The following KRT71 variants were observed in gnomAD, a reference collection of about 807,000 sequenced individuals.
KRT71 encodes keratin 71.
A neutral mutation model predicts 46.2 loss-of-function variants in KRT71; 42 were observed. That is an observed-to-expected ratio of 0.91 (90% confidence interval 0.71 to 1.18). The LOEUF (loss-of-function observed/expected upper bound fraction) is 1.18, where lower values mean the gene tolerates loss of function less well. Among genes scored for constraint, KRT71 ranks in the 50% most tolerant of loss-of-function variants. KRT71 has a pLI of 0.00. For synonymous variants in KRT71, 292 were observed against 277.8 expected, an observed-to-expected ratio of 1.05 and a Z score of -0.51; for missense variants, 708 against 677.9, an observed-to-expected ratio of 1.04 and a Z score of -0.49.
chr12:52,548,123 C>T (rs549357041), intron 5 of KRT71, 29 bp downstream of exon 5: 5 of 1,608,872 alleles, frequency 3.1e-6, no homozygotes, highest in Non-Finnish European at 4.2e-6. Flanking sequence ...TGGCATCACC[C>T]TCCCTGGCCC....
chr12:52,549,177 A>C lies in KRT71; in HGVS notation c.717+116T>G. On this transcript the variant is annotated intron_variant, in intron 3 of 8. Transcript: ENST00000267119. ...CTTTCATCAAGTTTTCTCTGCCTTCACCTTGCTCTTCCTGAATCAGTTCAC... is the reference window on the plus strand; with the variant it reads ...CTTTCATCAAGTTTTCTCTGCCTTCCCCTTGCTCTTCCTGAATCAGTTCAC... The C allele has an allele frequency of 4.8e-6, 4 of 824,854 alleles. No individual in the cohort carries two copies. In the Admixed American group the frequency reaches 6.9e-5, roughly 14 times the overall value. The allele number at this position is 824,854 out of a possible 1,614,324, so 51.1% of individuals were successfully genotyped here. A position where few individuals can be genotyped will look rare whatever the true frequency, so the allele number is the denominator to read the frequency against.
chr12:52,544,658 G>C lies in KRT71; in HGVS notation c.1446C>G (p.Asn482Lys). The change falls in exon 9 of 9, where the codon AAC (asparagine) becomes AAG (lysine). Residue 482 changes from asparagine (N) to lysine (K), a missense_variant. Coordinates refer to ENST00000267119, the MANE Select transcript of KRT71 (RefSeq NM_033448.3). ...VSGGYVANSS[N>K]CISGVCSVRG... ...TCACGCTGCACACTCCAGAGATGCA[G>C]TTGCTGCTGTTGGCCACATAGCCAC... 1.2e-6 allele frequency: 2 copies of C among 1,614,044 alleles called. No individual in the cohort carries two copies. Among genetic ancestry groups the C allele is most frequent in the Non-Finnish European group, 1.7e-6 (2 of 1,180,026 alleles).
chr12:52,551,421 A>G (rs958752388), intron 1 of KRT71, among the ~76,000 whole-genome samples: 1 of 151,950 alleles, frequency 6.6e-6, no homozygotes, highest in Non-Finnish European at 1.5e-5. Context: ...CAATCAGTCC[A>G]CTCCCATCAC....
chr12:52,552,141 C>T (rs1200423273), intron 1 of KRT71, among the ~76,000 whole-genome samples: 2 of 152,228 alleles, frequency 1.3e-5, no homozygotes, highest in Non-Finnish European at 2.9e-5. Context: ...AGTCCCCTTC[C>T]CCAGTGCCCT....
intron 3 of KRT71, 25 bp downstream of exon 3, chr12:52,549,268 G>A: frequency 1.2e-6 from 2 of 1,600,132 alleles, no homozygotes; most frequent in Non-Finnish European, 1.7e-6. Flanking sequence ...CAGCCCCCGG[G>A]ACTCAGGGCC....
chr12:52,546,682 G>A (rs932565024), intron 6 of KRT71, among the ~76,000 whole-genome samples, 176 bp from the exon 7 acceptor site: 5 of 152,202 alleles, frequency 3.3e-5, no homozygotes, highest in Non-Finnish European at 4.4e-5. Flanking sequence ...CTTAGCTCTA[G>A]CCCCATTCCC....
intron 1 of KRT71, among the ~76,000 whole-genome samples, chr12:52,551,606 C>T (rs1939171129): frequency 6.6e-6 from 1 of 152,208 alleles, no homozygotes; most frequent in Non-Finnish European, 1.5e-5. Context: ...ATGACCGTCT[C>T]ACCCATAGAC....
At chr12:52,545,888 C>A (rs536489482) in intron 7 of KRT71, among the ~76,000 whole-genome samples, 1 of 152,254 alleles carries the variant, frequency 6.6e-6, no homozygotes, top group South Asian at 2.1e-4. Context: ...GCCTGCCATC[C>A]CTGTAGAGCC....
At chr12:52,545,923 C>T (rs1319977881) in intron 7 of KRT71, among the ~76,000 whole-genome samples, 4 of 152,088 alleles carry the variant, frequency 2.6e-5, no homozygotes, top group East Asian at 1.9e-4. Flanking sequence ...GTGGCTGCCC[C>T]GGCACACCCC....
intron 6 of KRT71, 48 bp from the exon 7 acceptor site, chr12:52,546,554 A>G (rs1404702597): frequency 6.4e-7 from 1 of 1,571,934 alleles, no homozygotes; most frequent in South Asian, 1.2e-5. Context: ...AGCCACTGCA[A>G]CCATCCACAT....
In KRT71 at chr12:52,544,394, TG is replaced by T; in HGVS notation, c.*137del. The T allele has an allele frequency of 1.3e-6, 1 of 799,364 alleles. No homozygotes were observed. Among genetic ancestry groups the T allele is most frequent in the Non-Finnish European group, 2.1e-6 (1 of 468,014 alleles). 49.5% of individuals were successfully genotyped at this position (799,364 alleles called of 1,614,324 possible). A position where few individuals can be genotyped will look rare whatever the true frequency, so the allele number is the denominator to read the frequency against. Reference sequence around the variant, plus strand: ...TCAGGAAGACACAGGCTGGGAGAAGTGGGTGGCCAAGGCCAGTGCCAGGTGT... The same window carrying T: ...TCAGGAAGACACAGGCTGGGAGAAGTGGTGGCCAAGGCCAGTGCCAGGTGT... On this transcript the variant is annotated 3_prime_UTR_variant, in exon 9 of 9. Coordinates refer to ENST00000267119, the MANE Select transcript of KRT71 (RefSeq NM_033448.3).
rs61708395 is a variant in KRT71, at chr12:52,544,511, C to G, written c.*21G>C. 4.4e-6 allele frequency: 7 copies of G among 1,606,174 alleles called. No individual in the cohort carries two copies. Among genetic ancestry groups the G allele is most frequent in the African/African-American group, 2.7e-5 (2 of 74,716 alleles). ...TCCAGAGCCGGGTCATGGAATGAGG[C>G]GGGGCCCGGGGCAGTCTTCTCTACC... On this transcript the variant is annotated 3_prime_UTR_variant, in exon 9 of 9. Coordinates refer to ENST00000267119, the MANE Select transcript of KRT71 (RefSeq NM_033448.3).
In KRT71 at chr12:52,545,504, A is replaced by G. The variant is rs374472492; in HGVS notation, c.1360+61T>C. 1.3e-3 allele frequency: 1,279 copies of G among 1,010,830 alleles called. 3 individuals are homozygous for G. The highest frequency in any genetic ancestry group is 1.7e-3 in the Non-Finnish European group (1,114 of 650,774). The allele number at this position is 1,010,830 out of a possible 1,614,324, so 62.6% of individuals were successfully genotyped here. A position where few individuals can be genotyped will look rare whatever the true frequency, so the allele number is the denominator to read the frequency against. ...CCCTCATCTGCACACAGAGGGTGTC[A>G]CTAAGGTCCTTTCCAGGCTGCAGAT... On this transcript the variant is annotated intron_variant, in intron 8 of 8. Transcript: ENST00000267119.
chr12:52,544,636 C>A lies in KRT71; in HGVS notation c.1468G>T (p.Val490Leu), dbSNP rs202112087. The change falls in exon 9 of 9, where the codon GTG (valine) becomes TTG (leucine). Residue 490 changes from valine to leucine, a missense_variant. Physicochemically the swap from Val to Leu is conservative, Grantham distance 32. Transcript: ENST00000267119. The part of the protein sequence containing the change: ...SSNCISGVCS[V>L]RGGEGRSRGS... ...CGGCTCCTGCCCTCCCCGCCTCTCA[C>A]GCTGCACACTCCAGAGATGCAGTTG... is the stretch of plus-strand genomic sequence containing the variant. 1.2e-6 allele frequency: 2 copies of A among 1,613,994 alleles called. No homozygotes were observed. The highest frequency in any genetic ancestry group is 1.3e-5 in the African/African-American group (1 of 74,934).
chr12:52,551,187 T>C (rs1220422409), intron 1 of KRT71, among the ~76,000 whole-genome samples: 1 of 152,208 alleles, frequency 6.6e-6, no homozygotes, highest in Non-Finnish European at 1.5e-5. Flanking sequence ...TGAACACATC[T>C]GGATGCCGAA....
intron 1 of KRT71, among the ~76,000 whole-genome samples, chr12:52,552,240 G>C (rs1177230715): frequency 6.6e-6 from 1 of 152,222 alleles, no homozygotes; most frequent in African/African-American, 2.4e-5. Flanking sequence ...CTCCTGATCC[G>C]CTGGGCAAGT....
At chr12:52,547,074 A>G (rs1939070259) in intron 6 of KRT71, among the ~76,000 whole-genome samples, 1 of 152,248 alleles carries the variant, frequency 6.6e-6, no homozygotes, top group Non-Finnish European at 1.5e-5. Flanking sequence ...CAAGATCACA[A>G]AGCAACTAAG....
chr12:52,545,394 G>C (rs1334959536), intron 8 of KRT71, among the ~76,000 whole-genome samples, 171 bp downstream of exon 8: 1 of 152,194 alleles, frequency 6.6e-6, no homozygotes, highest in Non-Finnish European at 1.5e-5. Context: ...CCTGGCCTGG[G>C]AGTCAGGAAA....
intron 2 of KRT71, 149 bp downstream of exon 2, chr12:52,549,880 C>T: frequency 2.3e-6 from 2 of 871,938 alleles, no homozygotes; most frequent in South Asian, 1.7e-5. Flanking sequence ...AGAGCAAGTT[C>T]CAGAGTTTTG....
Sources: gnomAD v4.1 joint callset for allele counts (sites outside exome capture counted in the v4.1 genomes callset) on GRCh38, gnomAD v4.1.1 for gene constraint, MANE v1.5 for transcripts, NCBI Gene and HGNC (gene_info 2026-07-23, HGNC 2026-07-21) for gene names.